Variants in MAEA observed in about 807,000 individuals in gnomAD.
MAEA encodes the protein E3 ubiquitin-protein transferase MAEA.
Under a neutral mutation model 46.2 loss-of-function variants are expected in MAEA, and 22 were observed. The observed-to-expected ratio is 0.48, with a 90% CI of 0.34 to 0.68. The LOEUF is 0.68. Among genes scored for constraint, MAEA ranks in the 30% least tolerant of loss-of-function variants. The pLI is 0.01. For synonymous variants in MAEA, 246 were observed against 222.6 expected (o/e 1.11, Z -0.94); for missense variants, 393 against 558.1 (o/e 0.70, Z 2.98).
chr4:1,298,283 C>G (rs542223942), intron 1 of MAEA, among the ~76,000 whole-genome samples: 1 of 152,082 alleles, frequency 6.6e-6, no homozygotes, highest in Non-Finnish European at 1.5e-5. Context: ...AGCCTTTGTT[C>G]ATGCACCAGA....
chr4:1,290,088 A>T (rs993569127), intron 1 of MAEA, 106 bp downstream of exon 1: 3 of 783,722 alleles, frequency 3.8e-6, no homozygotes, highest in Admixed American at 9.4e-5. Context: ...GGGCGGCGGG[A>T]GCTGGGCGCG....
rs1197529749 is a variant in MAEA at position 1,339,787 on chromosome 4, T to C, written c.*618T>C. 8 of 153,106 alleles carry C rather than the reference T, an allele frequency of 5.2e-5. No homozygotes were observed. Among genetic ancestry groups the C allele is most frequent in the African/African-American group, 1.2e-4 (5 of 41,478 alleles). The allele number at this position is 153,106 out of a possible 1,614,324, so 9.5% of individuals were successfully genotyped here. On this transcript the variant is annotated 3_prime_UTR_variant, in exon 9 of 9. Transcript: ENST00000303400. Reference sequence around the variant, plus strand: ...TGTTCGTACGTGCATAGTTTCGATATCACATCGCGGGGCTGTGTTCGTAGC... The same window carrying C: ...TGTTCGTACGTGCATAGTTTCGATACCACATCGCGGGGCTGTGTTCGTAGC...
At chr4:1,315,884 C>CT (rs1737095371) in intron 3 of MAEA, among the ~76,000 whole-genome samples, 2 of 56,786 alleles carry the variant, frequency 3.5e-5, no homozygotes, top group Non-Finnish European at 1.0e-4. Context: ...CCCCCCCCCC[C>CT]CCAATGTGCG....
intron 1 of MAEA, among the ~76,000 whole-genome samples, chr4:1,306,143 TCA>T: frequency 6.6e-6 from 1 of 152,310 alleles, no homozygotes; most frequent in Middle Eastern, 3.4e-3. Flanking sequence ...CAGAATGCTC[TCA>T]CAGTCACACC....
intron 7 of MAEA, 189 bp from the exon 8 acceptor site, chr4:1,338,233 G>A (rs1713056650): frequency 7.5e-6 from 4 of 536,198 alleles, no homozygotes; most frequent in Admixed American, 3.2e-5. Flanking sequence ...TGTCTCCACC[G>A]AGGCCTCAGT....
chr4:1,311,716 G>C lies in MAEA; in HGVS notation c.70-263G>C, dbSNP rs1694008843. 2.0e-5 allele frequency among the ~76,000 whole-genome samples: 3 copies of C among 152,200 alleles called. No individual in the cohort carries two copies. The highest frequency in any genetic ancestry group is 7.2e-5 in the African/African-American group (3 of 41,444). On this transcript the variant is annotated intron_variant, in intron 1 of 8. Transcript: ENST00000303400. This position sits in a 1 kb window ranked among gnomAD's most constrained non-coding sequence, Gnocchi z 4.4. ...CTGTTCGTTATTCTGGATGAACTTTGGGATTATTTTGTCAACATACACGTA... is the reference window on the plus strand; with the variant it reads ...CTGTTCGTTATTCTGGATGAACTTTCGGATTATTTTGTCAACATACACGTA...
At chr4:1,317,116 G>T (rs183381417) in intron 3 of MAEA, among the ~76,000 whole-genome samples, 3 of 54,596 alleles carry the variant, frequency 5.5e-5, no homozygotes, top group Non-Finnish European at 9.7e-5. Context: ...AGGCCCACCC[G>T]GTCCCACACT....
intron 5 of MAEA, chr4:1,332,544 G>A (rs955132310): frequency 2.3e-6 from 1 of 437,804 alleles, no homozygotes; most frequent in Admixed American, 4.0e-5. Context: ...GCGAGAATCT[G>A]TCTCTAACAA....
At chr4:1,316,767 C>T (rs376585161) in intron 3 of MAEA, among the ~76,000 whole-genome samples, 2 of 152,108 alleles carry the variant, frequency 1.3e-5, no homozygotes, top group South Asian at 2.1e-4. Context: ...GCCTTGGAGG[C>T]GGCCTCACAT....
At chr4:1,308,806 A>G (rs1736090486) in intron 1 of MAEA, among the ~76,000 whole-genome samples, 1 of 152,138 alleles carries the variant, frequency 6.6e-6, no homozygotes, top group Non-Finnish European at 1.5e-5. Context: ...TGCATTCTGG[A>G]TAGTAGCTCC....
intron 1 of MAEA, among the ~76,000 whole-genome samples, chr4:1,304,201 G>A (rs148753368): frequency 5.9e-5 from 9 of 152,316 alleles, no homozygotes; most frequent in Non-Finnish European, 7.4e-5. Context: ...CCAAATCGTC[G>A]TGTGCTGTCA....
intron 5 of MAEA, chr4:1,329,972 G>A (rs1739329406): frequency 2.0e-6 from 2 of 985,376 alleles, no homozygotes; most frequent in African/African-American, 1.7e-5. Context: ...GAGGCCAGCA[G>A]CCTAGCCTCT....
intron 1 of MAEA, among the ~76,000 whole-genome samples, chr4:1,296,915 CTTTTG>C (rs1252895655): frequency 6.6e-6 from 1 of 152,134 alleles, no homozygotes; most frequent in East Asian, 1.9e-4. Flanking sequence ...TCTTGGAGGC[CTTTTG>C]TTTTATGTCA....
intron 3 of MAEA, among the ~76,000 whole-genome samples, chr4:1,317,117 G>T (rs1358605159): frequency 3.0e-4 from 21 of 69,782 alleles, no homozygotes; most frequent in African/African-American, 1.0e-3. Context: ...GGCCCACCCG[G>T]TCCCACACTC....
Position 1,336,902 on chromosome 4 carries a change from G to T in MAEA, c.807G>T (p.Gln269His), listed in dbSNP as rs1560394485. ...CACGGTGGCGGATGCTGATCCAGCA[G>T]TTCCGGTACGACAACTACCGACTAC... The part of the protein sequence containing the change: ...DPARWRMLIQ[Q>H]FRYDNYRLHQ... The change falls in exon 7 of 9, where the codon CAG (glutamine) becomes CAT (histidine). Residue 269 changes from glutamine to histidine, a missense_variant. Transcript: ENST00000303400. 1 of 1,614,030 alleles carries T rather than the reference G, an allele frequency of 6.2e-7. No homozygotes were observed.
At position 1,289,902 on chromosome 4, in the gene MAEA, G is replaced by A; in HGVS notation, c.-12G>A. On this transcript the variant is annotated 5_prime_UTR_variant, in exon 1 of 9. The change creates a premature stop within an existing upstream ORF in the 5' untranslated region. Coordinates refer to ENST00000303400, the MANE Select transcript of MAEA (RefSeq NM_001017405.3). ...CGCGTCCCCCGCCCGCTAATGTTTTGGCCGCTTCAAGATGGCGGTGCAGGA... is the reference window on the plus strand; with the variant it reads ...CGCGTCCCCCGCCCGCTAATGTTTTAGCCGCTTCAAGATGGCGGTGCAGGA... 1 of 1,593,358 alleles carries A rather than the reference G, an allele frequency of 6.3e-7. No individual in the cohort carries two copies.
At chr4:1,338,744 G>C (rs1713140911) in intron 8 of MAEA, 127 bp downstream of exon 8, 1 of 972,864 alleles carries the variant, frequency 1.0e-6, no homozygotes, top group Admixed American at 2.5e-5. Context: ...GTGTGGGACG[G>C]GCAGGGCGGG....
chr4:1,327,782 G>A (rs1470164111), intron 5 of MAEA, 79 bp downstream of exon 5: 13 of 1,334,458 alleles, frequency 9.7e-6, no homozygotes, highest in Middle Eastern at 1.9e-4. Flanking sequence ...CCCTGTCGTG[G>A]TCTGGGTCCT....
chr4:1,317,384 C>T (rs1368939495), intron 3 of MAEA, among the ~76,000 whole-genome samples: 1 of 151,476 alleles, frequency 6.6e-6, no homozygotes, highest in Non-Finnish European at 1.5e-5. Flanking sequence ...GCAGGCCCCA[C>T]ACTCCGGACT....
Sources: gnomAD v4.1 joint callset for allele counts (sites outside exome capture counted in the v4.1 genomes callset) on GRCh38, gnomAD v4.1.1 for gene constraint, Gnocchi (gnomAD v3.1) non-coding constraint, MANE v1.5 for transcripts, NCBI Gene and HGNC (gene_info 2026-07-23, HGNC 2026-07-21) for gene names.